The following TOGARAM2 variants were observed in gnomAD, a reference collection of about 807,000 sequenced individuals.
TOGARAM2 encodes TOG array regulator of axonemal microtubules protein 2.
Under a neutral mutation model 93.3 loss-of-function variants are expected in TOGARAM2, and 85 were observed. That is an observed-to-expected ratio of 0.91 (90% confidence interval 0.76 to 1.09). TOGARAM2 has a LOEUF of 1.09. Ranked by LOEUF, TOGARAM2 falls within the 50% of genes least tolerant of loss-of-function variation. TOGARAM2 has a pLI of 0.00. For synonymous variants in TOGARAM2, 593 were observed against 552.8 expected (o/e 1.07, Z -1.02); for missense variants, 1,277 against 1,334.5 (o/e 0.96, Z 0.67).
intron 18 of TOGARAM2, among the ~76,000 whole-genome samples, chr2:29,037,950 A>G (rs1266031444): frequency 1.3e-5 from 2 of 152,182 alleles, no homozygotes; most frequent in African/African-American, 4.8e-5. Context: ...TAGCTATTTG[A>G]AGAGGATAAG....
chr2:28,978,383 AT>A (rs1413955258), upstream of TOGARAM2, among the ~76,000 whole-genome samples: 1 of 152,118 alleles, frequency 6.6e-6, no homozygotes, highest in East Asian at 1.9e-4. Context: ...TCAGGAGACT[AT>A]TTGGATATAG....
chr2:29,045,686 G>A (rs946486694), intron 19 of TOGARAM2: 5 of 433,544 alleles, frequency 1.2e-5, no homozygotes, highest in African/African-American at 8.0e-5. Flanking sequence ...AATTAGAAAT[G>A]CTCCAAAACC....
chr2:29,025,922 G>T (rs1293683971), intron 13 of TOGARAM2, among the ~76,000 whole-genome samples: 2 of 152,150 alleles, frequency 1.3e-5, no homozygotes, highest in Non-Finnish European at 2.9e-5. Flanking sequence ...TTGCCACAGA[G>T]AGGGAATCAG....
chr2:29,038,885 C>G (rs1416591484), intron 18 of TOGARAM2, among the ~76,000 whole-genome samples: 1 of 152,160 alleles, frequency 6.6e-6, no homozygotes, highest in East Asian at 1.9e-4. Flanking sequence ...TTGAAGTGAC[C>G]AGCTGATTTC....
Position 29,017,896 on chromosome 2 carries a change from G to A in TOGARAM2, c.1300G>A (p.Ala434Thr), listed in dbSNP as rs770863060. The change falls in exon 10 of 20, where the codon GCC becomes ACC. Residue 434 changes from alanine to threonine, a missense_variant. By Grantham distance (58) the Ala-to-Thr change is moderately conservative. Transcript: ENST00000379558. Reference sequence around the variant, plus strand: ...CATCCTGAGGAAGTGGGCCAGCCGGGCCTCCCTGCCCAGCATCCCCATCAG... The same window carrying A: ...CATCCTGAGGAAGTGGGCCAGCCGGACCTCCCTGCCCAGCATCCCCATCAG... Reference protein sequence around the residue: ...SIILRKWASRASLPSIPISRQ... With the variant: ...SIILRKWASRTSLPSIPISRQ... The A allele has an allele frequency of 1.8e-4, 291 of 1,609,918 alleles. No individual in the cohort carries two copies. Among genetic ancestry groups the A allele is most frequent in the Non-Finnish European group, 2.1e-4 (253 of 1,177,198 alleles).
intron 18 of TOGARAM2, among the ~76,000 whole-genome samples, chr2:29,041,288 T>C (rs946915796): frequency 6.6e-6 from 1 of 152,176 alleles, no homozygotes; most frequent in African/African-American, 2.4e-5. Context: ...CCTCCCAAAG[T>C]GCTGGGATGA....
chr2:28,965,147 G>A (rs1018325648), intron 1 of TOGARAM2, among the ~76,000 whole-genome samples: 13 of 152,006 alleles, frequency 8.6e-5, no homozygotes, highest in African/African-American at 2.4e-4. Context: ...CCTCACCAGC[G>A]TCTGTTGTTT....
chr2:29,025,861 T>G (rs1665321738), intron 13 of TOGARAM2, among the ~76,000 whole-genome samples: 1 of 152,168 alleles, frequency 6.6e-6, no homozygotes, highest in African/African-American at 2.4e-5. Context: ...AAACATGCAT[T>G]AAGCTCCTGC....
chr2:28,996,536 G>A (rs1310513663), intron 2 of TOGARAM2, among the ~76,000 whole-genome samples: 20 of 152,012 alleles, frequency 1.3e-4, no homozygotes. Flanking sequence ...GATAATGACT[G>A]CCAGGCTGGG....
intron 10 of TOGARAM2, among the ~76,000 whole-genome samples, chr2:29,020,235 A>G (rs1664850799): frequency 6.6e-6 from 1 of 152,204 alleles, no homozygotes. Flanking sequence ...CAGATTGGGA[A>G]CTGATGTGGG....
intron 1 of TOGARAM2, among the ~76,000 whole-genome samples, chr2:28,971,789 G>T (rs1671949696): frequency 6.6e-6 from 1 of 152,156 alleles, no homozygotes; most frequent in Non-Finnish European, 1.5e-5. Context: ...TTTCTTGATG[G>T]TTCTAAGGAG....
chr2:29,035,421 G>A (rs1394561693), intron 16 of TOGARAM2, 43 bp from the exon 17 acceptor site: 5 of 1,290,124 alleles, frequency 3.9e-6, no homozygotes, highest in South Asian at 2.8e-5. Flanking sequence ...TCATTCCCCC[G>A]GGCTCTTCCC....
At chr2:28,959,650 G>A (rs2148211866) in intron 1 of TOGARAM2, among the ~76,000 whole-genome samples, 1 of 152,228 alleles carries the variant, frequency 6.6e-6, no homozygotes, top group Admixed American at 6.5e-5. Flanking sequence ...CTACTCAGGA[G>A]GCTGAGGCAG....
chr2:28,997,031 A>G (rs1673026004), intron 2 of TOGARAM2, among the ~76,000 whole-genome samples: 1 of 152,168 alleles, frequency 6.6e-6, no homozygotes, highest in African/African-American at 2.4e-5. Flanking sequence ...TAGCTCTTCA[A>G]TGTACTGATT....
intron 14 of TOGARAM2, among the ~76,000 whole-genome samples, chr2:29,031,931 C>A (rs754057756): frequency 2.6e-5 from 4 of 152,168 alleles, no homozygotes; most frequent in Admixed American, 6.5e-5. Context: ...CTTCACTTCC[C>A]ACCAGCTACC....
chr2:28,992,239 G>A (rs908192419), intron 1 of TOGARAM2, among the ~76,000 whole-genome samples: 2 of 152,118 alleles, frequency 1.3e-5, no homozygotes, highest in Non-Finnish European at 2.9e-5. Context: ...TGATTTCCTG[G>A]GGTGGTGCCT....
intron 18 of TOGARAM2, among the ~76,000 whole-genome samples, chr2:29,044,575 C>T (rs1666626670): frequency 6.6e-6 from 1 of 152,092 alleles, no homozygotes. Flanking sequence ...GGCCTCAGAC[C>T]TGCAGGCTTT....
At chr2:28,956,534 C>G (rs1671721954), upstream of TOGARAM2, 1 of 152,220 alleles carries the variant, frequency 6.6e-6, no homozygotes, top group Admixed American at 6.5e-5. This position sits in a 1 kb window ranked among gnomAD's most constrained non-coding sequence, Gnocchi z 4.5. Context: ...GAATGCGTCC[C>G]ACGTGATGCT....
intron 1 of TOGARAM2, among the ~76,000 whole-genome samples, chr2:28,991,339 G>T (rs1481292979): frequency 6.6e-6 from 1 of 152,106 alleles, no homozygotes; most frequent in Non-Finnish European, 1.5e-5. Context: ...GTGTGAGACG[G>T]GAGGGGGGCC....
Sources: allele counts gnomAD v4.1 joint callset (sites outside exome capture counted in the v4.1 genomes callset), GRCh38; gene constraint gnomAD v4.1.1; non-coding constraint Gnocchi (gnomAD v3.1); transcripts MANE v1.5; gene names NCBI Gene and HGNC (gene_info 2026-07-23, HGNC 2026-07-21).